LHFPL7: variants seen among roughly 807,000 people sequenced by gnomAD.
The protein encoded by LHFPL7 is LHFPL tetraspan subfamily member 7, also known as LHFPL tetraspan subfamily member 7 protein.
At chr22:24,946,354 G>A in the LHFPL7 span, among the ~76,000 whole-genome samples, 1,900 of 151,970 alleles carry the variant, frequency 0.013, 18 homozygotes, top group Non-Finnish European at 0.017. Context: ...CAAAACTATG[G>A]ATGTTTCCAC....
chr22:24,941,237 C>T, the LHFPL7 span, among the ~76,000 whole-genome samples: 2 of 151,260 alleles, frequency 1.3e-5, no homozygotes, highest in Non-Finnish European at 2.9e-5. Flanking sequence ...GGTGCCATGT[C>T]GGCTCATTGC....
At chr22:24,937,734 A>T in the LHFPL7 span, among the ~76,000 whole-genome samples, 1 of 152,226 alleles carries the variant, frequency 6.6e-6, no homozygotes. Flanking sequence ...GACCCTTCTC[A>T]AGAGATGCAG....
At chr22:24,935,225 T>C in the LHFPL7 span, 1 of 1,441,340 alleles carries the variant, frequency 6.9e-7, no homozygotes, top group African/African-American at 1.4e-5. Context: ...TAAAGTGGCT[T>C]GCCTGAAGTC....
the LHFPL7 span, chr22:24,938,106 A>C: frequency 6.9e-6 from 10 of 1,441,594 alleles, no homozygotes; most frequent in Non-Finnish European, 9.4e-6. Context: ...CATTCCATAA[A>C]TATGTCTAGA....
the LHFPL7 span, chr22:24,935,384 GA>G: frequency 6.2e-7 from 1 of 1,611,510 alleles, no homozygotes; most frequent in Non-Finnish European, 8.5e-7. Context: ...CACTGGAGAA[GA>G]TGATGGTCCT....
the LHFPL7 span, among the ~76,000 whole-genome samples, chr22:24,942,898 T>A: frequency 1.2e-4 from 16 of 135,750 alleles, no homozygotes; most frequent in African/African-American, 4.4e-4. Context: ...ATAAAGTGTG[T>A]GTGTGTGTGT....
chr22:24,939,514 C>G, the LHFPL7 span: 1 of 703,014 alleles, frequency 1.4e-6, no homozygotes, highest in Non-Finnish European at 2.6e-6. Context: ...AGCCCCAGAG[C>G]TACCCACACA....
chr22:24,939,259 G>A, the LHFPL7 span: 7 of 697,044 alleles, frequency 1.0e-5, no homozygotes, highest in Non-Finnish European at 1.6e-5. Context: ...CTCGAATTCC[G>A]CTCAGCCAGC....
chr22:24,943,297 A>C, the LHFPL7 span, among the ~76,000 whole-genome samples: 1 of 152,192 alleles, frequency 6.6e-6, no homozygotes, highest in African/African-American at 2.4e-5. Flanking sequence ...ATAATGCTCA[A>C]TGTCACCTGG....
chr22:24,935,598 G>C, the LHFPL7 span: 1 of 1,607,568 alleles, frequency 6.2e-7, no homozygotes, highest in Non-Finnish European at 8.5e-7. Context: ...GGCAGTAGCT[G>C]GAGATAGCAG....
At chr22:24,940,709 TTCC>T in the LHFPL7 span, among the ~76,000 whole-genome samples, 3 of 18,412 alleles carry the variant, frequency 1.6e-4, no homozygotes, top group African/African-American at 3.5e-4. Flanking sequence ...CCTTCCCTCC[TTCC>T]CTTTCTTTCC....
the LHFPL7 span, among the ~76,000 whole-genome samples, chr22:24,940,636 C>CCCGTCCTT: frequency 6.7e-3 from 408 of 61,094 alleles, 2 homozygotes; most frequent in African/African-American, 0.024. Context: ...CATATGCCCG[C>CCCGTCCTT]CCTTCCTTCC....
chr22:24,935,302 G>A, the LHFPL7 span: 3 of 1,597,220 alleles, frequency 1.9e-6, no homozygotes, highest in Admixed American at 3.4e-5. Context: ...AAACTCTGGA[G>A]TGTGCCCTTT....
At chr22:24,938,847 G>C in the LHFPL7 span, among the ~76,000 whole-genome samples, 2 of 152,192 alleles carry the variant, frequency 1.3e-5, no homozygotes, top group Non-Finnish European at 2.9e-5. Context: ...GCAGTGTTTA[G>C]AGGGTGGCCA....
the LHFPL7 span, among the ~76,000 whole-genome samples, chr22:24,940,707 C>T: frequency 0.073 from 2,644 of 36,164 alleles, 141 homozygotes; most frequent in East Asian, 0.26. Flanking sequence ...CTCCTTCCCT[C>T]CTTCCCTTTC....
chr22:24,943,054 T>C, the LHFPL7 span, among the ~76,000 whole-genome samples: 1 of 151,898 alleles, frequency 6.6e-6, no homozygotes, highest in African/African-American at 2.4e-5. Flanking sequence ...TGGAATATCC[T>C]CCCTTGAGTG....
At chr22:24,941,309 C>T in the LHFPL7 span, among the ~76,000 whole-genome samples, 1 of 151,960 alleles carries the variant, frequency 6.6e-6, no homozygotes, top group Admixed American at 6.6e-5. Flanking sequence ...GCTGGGACTA[C>T]AGGCACATGC....
chr22:24,939,852 C>T, the LHFPL7 span, among the ~76,000 whole-genome samples: 1 of 151,950 alleles, frequency 6.6e-6, no homozygotes, highest in Non-Finnish European at 1.5e-5. Context: ...CTCACTGGTC[C>T]ATGCAGGGCT....
chr22:24,945,993 T>C, the LHFPL7 span, among the ~76,000 whole-genome samples: 637 of 152,304 alleles, frequency 4.2e-3, 3 homozygotes, highest in African/African-American at 0.014. Context: ...CTTTGATGCA[T>C]TCCTTTGAAG....
Sources: allele counts gnomAD v4.1 joint callset (sites outside exome capture counted in the v4.1 genomes callset), GRCh38; gene constraint gnomAD v4.1.1; transcripts MANE v1.5; gene names NCBI Gene and HGNC (gene_info 2026-07-23, HGNC 2026-07-21).